KLHL14: variants seen among roughly 807,000 people sequenced by gnomAD.
The protein encoded by KLHL14 is kelch-like protein 14.
Under a neutral mutation model 64.3 loss-of-function variants are expected in KLHL14, and 22 were observed. The observed-to-expected ratio is 0.34, with a 90% CI of 0.24 to 0.49. The LOEUF (loss-of-function observed/expected upper bound fraction) is 0.49. Ranked by LOEUF, KLHL14 falls within the 20% of genes least tolerant of loss-of-function variation. The pLI is 0.99. For missense variants in KLHL14, 661 were observed against 789.0 expected (o/e 0.84, Z 1.94); for synonymous variants, 322 against 333.4 (o/e 0.97, Z 0.37).
At chr18:32,718,325 A>C (rs544798529) in intron 3 of KLHL14, among the ~76,000 whole-genome samples, 1 of 152,332 alleles carries the variant, frequency 6.6e-6, no homozygotes, top group Non-Finnish European at 1.5e-5. Context: ...TTAAAATGCA[A>C]TGTCATATTC....
At chr18:32,716,837 A>G (rs1243504156) in intron 3 of KLHL14, among the ~76,000 whole-genome samples, 1 of 152,116 alleles carries the variant, frequency 6.6e-6, no homozygotes, top group African/African-American at 2.4e-5. Context: ...TATTTTTTCA[A>G]ATATGACTTT....
chr18:32,734,222 C>T lies in KLHL14; in HGVS notation c.1069+7706G>A, dbSNP rs1286172963. On this transcript the variant is annotated intron_variant, in intron 3 of 8. Transcript: ENST00000359358. ...GGTGAGCTTGCACTTTCCTGCTTCC[C>T]TGAAATGGGGTGTGGTCCTGTGACT... 8 of 702,816 alleles carry T rather than the reference C, an allele frequency of 1.1e-5. No homozygotes were observed. In the East Asian group the frequency reaches 1.9e-4, roughly 16 times the overall value. 43.5% of individuals were successfully genotyped at this position (702,816 alleles called of 1,614,324 possible).
At chr18:32,706,385 C>T (rs117813746) in intron 3 of KLHL14, among the ~76,000 whole-genome samples, 1,912 of 152,214 alleles carry the variant, frequency 0.013, 15 homozygotes, top group Non-Finnish European at 0.019. Context: ...GGTGAAGAAC[C>T]GAAGCAGTGC....
intron 2 of KLHL14, among the ~76,000 whole-genome samples, chr18:32,742,327 T>C (rs2144531034): frequency 6.6e-6 from 1 of 152,278 alleles, no homozygotes; most frequent in East Asian, 1.9e-4. Flanking sequence ...ATTATCCCTT[T>C]AAATCATCAC....
At chr18:32,706,386 G>A (rs1175354112) in intron 3 of KLHL14, among the ~76,000 whole-genome samples, 8 of 152,142 alleles carry the variant, frequency 5.3e-5, no homozygotes, top group African/African-American at 1.7e-4. Flanking sequence ...GTGAAGAACC[G>A]AAGCAGTGCA....
rs1175503578 is a variant in KLHL14 at position 32,770,535 on chromosome 18, C to A, written c.57G>T (p.Leu19=). 5 of 1,606,186 alleles carry A rather than the reference C, an allele frequency of 3.1e-6. No individual in the cohort carries two copies. Among genetic ancestry groups the A allele is most frequent in the Non-Finnish European group, 4.2e-6 (5 of 1,178,756 alleles). Residue 19 remains leucine (L), a synonymous_variant, in exon 2 of 9, where the codon CTG becomes CTT. Transcript: ENST00000359358. This position sits in a 1 kb window ranked among gnomAD's most constrained non-coding sequence, Gnocchi z 6.7. The part of the protein sequence containing the change: ...STFDPSHSDN[L]LHGLNLLWRK... ...TCCACAGCAGGTTGAGGCCGTGCAGCAGGTTGTCGCTGTGGCTGGGGTCGA... is the reference window on the plus strand; with the variant it reads ...TCCACAGCAGGTTGAGGCCGTGCAGAAGGTTGTCGCTGTGGCTGGGGTCGA...
intron 2 of KLHL14, among the ~76,000 whole-genome samples, chr18:32,761,170 C>A (rs967785220): frequency 6.6e-6 from 1 of 152,184 alleles, no homozygotes; most frequent in Non-Finnish European, 1.5e-5. Context: ...CATTTTACTG[C>A]TGCAGGACTC....
chr18:32,727,763 T>C (rs895753759), intron 3 of KLHL14, among the ~76,000 whole-genome samples: 2 of 152,208 alleles, frequency 1.3e-5, no homozygotes, highest in African/African-American at 2.4e-5. Flanking sequence ...ATTATGGTAA[T>C]GAAAAGCTTC....
intron 3 of KLHL14, among the ~76,000 whole-genome samples, chr18:32,722,777 T>C (rs780996285): frequency 1.3e-5 from 2 of 152,236 alleles, no homozygotes; most frequent in Non-Finnish European, 2.9e-5. Flanking sequence ...CTGGGCTACA[T>C]AGTGAGACCC....
At chr18:32,714,760 T>C (rs1484816135) in intron 3 of KLHL14, among the ~76,000 whole-genome samples, 4 of 152,050 alleles carry the variant, frequency 2.6e-5, no homozygotes, top group Non-Finnish European at 4.4e-5. Context: ...TGTTCTTTGC[T>C]CACCCTCCAG....
intron 4 of KLHL14, 82 bp from the exon 5 acceptor site, chr18:32,687,315 T>C: frequency 9.3e-7 from 1 of 1,074,012 alleles, no homozygotes; most frequent in South Asian, 1.3e-5. Context: ...CAGACGTCTC[T>C]ATTCTCAGGT....
chr18:32,730,600 G>A (rs1318985956), intron 3 of KLHL14, among the ~76,000 whole-genome samples: 2 of 152,154 alleles, frequency 1.3e-5, no homozygotes, highest in African/African-American at 4.8e-5. Context: ...AATTAATCAT[G>A]TCAAAAGATT....
At chr18:32,714,814 A>G (rs113455691) in intron 3 of KLHL14, among the ~76,000 whole-genome samples, 167 of 152,298 alleles carry the variant, frequency 1.1e-3, no homozygotes, top group African/African-American at 3.8e-3. Context: ...CTCCAAGGCC[A>G]ACAAAAACAA....
chr18:32,687,272 T>A lies in KLHL14; in HGVS notation c.1160-39A>T, dbSNP rs543489094. On this transcript the variant is annotated intron_variant, in intron 4 of 8. Coordinates refer to ENST00000359358, the MANE Select transcript of KLHL14 (RefSeq NM_020805.3). ...TTCGAGACATTTAAAACTTAGATTCTTTTGTTGATTTGCACATGTAGTAGT... is the reference window on the plus strand; with the variant it reads ...TTCGAGACATTTAAAACTTAGATTCATTTGTTGATTTGCACATGTAGTAGT... 1.1e-5 allele frequency: 17 copies of A among 1,499,638 alleles called. No homozygotes were observed. In the South Asian group the frequency reaches 1.8e-4, roughly 16 times the overall value. 92.9% of individuals were successfully genotyped at this position (1,499,638 alleles called of 1,614,324 possible). A position where few individuals can be genotyped will look rare whatever the true frequency, so the allele number is the denominator to read the frequency against.
At position 32,763,420 on chromosome 18, in the gene KLHL14, G is replaced by A. The variant is rs144714921; in HGVS notation, c.947+6225C>T. Among the ~76,000 whole-genome samples the A allele has an allele frequency of 7.6e-3, 1,160 of 151,976 alleles. 9 individuals are homozygous for A. Among genetic ancestry groups the A allele is most frequent in the African/African-American group, 0.015 (629 of 41,428 alleles). The stretch of plus-strand genomic sequence containing the variant: ...AAGTGGAAGGTGTAGATAAGAGTTT[G>A]TCTTTTGTAAATGCCACATCTCCAA... On this transcript the variant is annotated intron_variant, in intron 2 of 8. Coordinates refer to ENST00000359358, the MANE Select transcript of KLHL14 (RefSeq NM_020805.3).
chr18:32,759,223 T>C (rs1342180449), intron 2 of KLHL14, among the ~76,000 whole-genome samples: 2 of 152,188 alleles, frequency 1.3e-5, no homozygotes, highest in East Asian at 1.9e-4. Context: ...GGGATCTATA[T>C]ATCACTCAAA....
intron 3 of KLHL14, among the ~76,000 whole-genome samples, chr18:32,728,207 C>A (rs775222607): frequency 2.0e-5 from 3 of 152,124 alleles, no homozygotes; most frequent in African/African-American, 4.8e-5. Context: ...CTTGCTTCAC[C>A]TTTGACTCCT....
chr18:32,732,493 C>A (rs1043941257), intron 3 of KLHL14, among the ~76,000 whole-genome samples: 1 of 152,182 alleles, frequency 6.6e-6, no homozygotes, highest in Admixed American at 6.5e-5. Flanking sequence ...GAGGATTGCA[C>A]TTTTCCAGCC....
Position 32,695,494 on chromosome 18 carries a change from C to T in KLHL14, c.1128G>A (p.Val376=). The change falls in exon 4 of 9, where the codon GTG becomes GTA. Residue 376 remains valine (V), a synonymous_variant. Coordinates refer to ENST00000359358, the MANE Select transcript of KLHL14 (RefSeq NM_020805.3). Reference sequence around the variant, plus strand: ...GATTCCACTGGTCCTCTCCACCCAACACGAACAAGAAGTTTTCCACCTCCA... The same window carrying T: ...GATTCCACTGGTCCTCTCCACCCAATACGAACAAGAAGTTTTCCACCTCCA... ...CVVEVENFLF[V]LGGEDQWNPN... 1 of 1,612,970 alleles carries T rather than the reference C, an allele frequency of 6.2e-7. No individual in the cohort carries two copies. The highest frequency in any genetic ancestry group is 8.5e-7 in the Non-Finnish European group (1 of 1,179,160).
Sources: allele counts gnomAD v4.1 joint callset (sites outside exome capture counted in the v4.1 genomes callset), GRCh38; gene constraint gnomAD v4.1.1; non-coding constraint Gnocchi (gnomAD v3.1); transcripts MANE v1.5; gene names NCBI Gene and HGNC (gene_info 2026-07-23, HGNC 2026-07-21).